Variants in LYPLAL1 observed in about 807,000 individuals in gnomAD.
LYPLAL1 encodes the protein lysophospholipase like 1.
A neutral mutation model predicts 19.7 loss-of-function variants in LYPLAL1; 23 were observed. That is an observed-to-expected ratio of 1.17 (90% confidence interval 0.84 to 1.65). The LOEUF (loss-of-function observed/expected upper bound fraction) is 1.65, where lower values mean the gene tolerates loss of function less well. Ranked by LOEUF, LYPLAL1 falls within the 40% of genes most tolerant of loss-of-function variation. LYPLAL1 has a pLI of 0.00. For synonymous variants in LYPLAL1, 119 were observed against 96.3 expected, an observed-to-expected ratio of 1.24 and a Z score of -1.38; for missense variants, 355 against 279.4, an observed-to-expected ratio of 1.27 and a Z score of -1.93.
At chr1:219,255,274 A>G in the LYPLAL1 span, among the ~76,000 whole-genome samples, 1 of 151,740 alleles carries the variant, frequency 6.6e-6, no homozygotes, top group African/African-American at 2.4e-5. Flanking sequence ...ATTTCTCTCA[A>G]TAATGTTTTT....
At chr1:219,327,833 C>T in the LYPLAL1 span, among the ~76,000 whole-genome samples, 1 of 152,148 alleles carries the variant, frequency 6.6e-6, no homozygotes, top group African/African-American at 2.4e-5. Flanking sequence ...TTGCCTGCCA[C>T]CATGTAAGAT....
the LYPLAL1 span, among the ~76,000 whole-genome samples, chr1:219,238,411 A>G: frequency 6.8e-6 from 1 of 146,418 alleles, no homozygotes; most frequent in Non-Finnish European, 1.5e-5. Context: ...TCGGCCTCCC[A>G]AAGTGCTGGG....
At chr1:219,425,342 G>T in the LYPLAL1 span, among the ~76,000 whole-genome samples, 1 of 152,190 alleles carries the variant, frequency 6.6e-6, no homozygotes, top group Non-Finnish European at 1.5e-5. Flanking sequence ...CCATGTTACA[G>T]ATGAGGCACA....
chr1:219,178,572 G>T (rs1656006052), intron 1 of LYPLAL1, among the ~76,000 whole-genome samples: 1 of 151,658 alleles, frequency 6.6e-6, no homozygotes, highest in Non-Finnish European at 1.5e-5. Flanking sequence ...TATTTATATG[G>T]CTTTTTATTA....
the LYPLAL1 span, among the ~76,000 whole-genome samples, chr1:219,247,736 A>G: frequency 6.6e-6 from 1 of 152,222 alleles, no homozygotes; most frequent in African/African-American, 2.4e-5. Flanking sequence ...TTATTCAAGA[A>G]TATGACATGA....
chr1:219,179,461 C>T, intron 2 of LYPLAL1: 1 of 472,852 alleles, frequency 2.1e-6, no homozygotes. Context: ...AAAGCATTCC[C>T]TAAAGCTCTG....
the LYPLAL1 span, among the ~76,000 whole-genome samples, chr1:219,320,268 T>A: frequency 6.6e-6 from 1 of 152,098 alleles, no homozygotes; most frequent in Non-Finnish European, 1.5e-5. Flanking sequence ...TCTTGGTTGC[T>A]ATCATTTTTC....
the LYPLAL1 span, among the ~76,000 whole-genome samples, chr1:219,289,783 A>T: frequency 6.6e-6 from 1 of 152,218 alleles, no homozygotes; most frequent in Non-Finnish European, 1.5e-5. Flanking sequence ...AAGAAACCAC[A>T]GTTCAGAAAA....
Position 219,205,511 on chromosome 1 carries a change from TTAAC to T in LYPLAL1, c.362-5019_362-5016del, listed in dbSNP as rs924663548. Among the ~76,000 whole-genome samples the T allele has an allele frequency of 4.2e-4, 64 of 152,304 alleles. 1 individual carries two copies. Among genetic ancestry groups the T allele is most frequent in the African/African-American group, 1.5e-3 (64 of 41,566 alleles). Reference sequence around the variant, plus strand: ...GATACATTGAACATGTAGAGTTAGTTTAACTGTAAAAATGAAATTTAAGAGAACA... The same window carrying T: ...GATACATTGAACATGTAGAGTTAGTTTGTAAAAATGAAATTTAAGAGAACA... On this transcript the variant is annotated intron_variant, in intron 3 of 4. Transcript: ENST00000366928.
the LYPLAL1 span, among the ~76,000 whole-genome samples, chr1:219,287,510 C>T: frequency 3.9e-5 from 6 of 152,262 alleles, no homozygotes; most frequent in South Asian, 1.2e-3. Flanking sequence ...AGCCTACACA[C>T]CTATTAGACA....
the LYPLAL1 span, among the ~76,000 whole-genome samples, chr1:219,232,954 C>T: frequency 3.2e-4 from 49 of 151,492 alleles, no homozygotes; most frequent in African/African-American, 1.2e-3. Context: ...TAAAATAATG[C>T]TGCCACCATG....
the LYPLAL1 span, among the ~76,000 whole-genome samples, chr1:219,438,275 C>T: frequency 2.0e-5 from 3 of 152,184 alleles, no homozygotes; most frequent in Admixed American, 6.5e-5. Context: ...AGAGGGAGCC[C>T]ATGCCTAGAG....
intron 1 of LYPLAL1, among the ~76,000 whole-genome samples, chr1:219,178,381 C>T (rs1655989298): frequency 6.6e-6 from 1 of 152,158 alleles, no homozygotes; most frequent in Non-Finnish European, 1.5e-5. Flanking sequence ...ATCATTGCCT[C>T]TCTAGCAGTG....
chr1:219,225,476 C>G, the LYPLAL1 span: 1 of 152,182 alleles, frequency 6.6e-6, no homozygotes, highest in Non-Finnish European at 1.5e-5. Flanking sequence ...CATCCCCCCT[C>G]TCATCTTCTC....
At chr1:219,431,057 A>C in the LYPLAL1 span, among the ~76,000 whole-genome samples, 2 of 152,164 alleles carry the variant, frequency 1.3e-5, no homozygotes, top group East Asian at 3.9e-4. Context: ...AAAGACACTA[A>C]ACATGCCTTA....
chr1:219,388,032 T>G, the LYPLAL1 span, among the ~76,000 whole-genome samples: 8 of 152,184 alleles, frequency 5.3e-5, no homozygotes, highest in African/African-American at 1.2e-4. Flanking sequence ...TCAGGTGGTG[T>G]TATTATTATG....
chr1:219,176,386 G>C (rs1655812430), intron 1 of LYPLAL1, among the ~76,000 whole-genome samples: 1 of 152,156 alleles, frequency 6.6e-6, no homozygotes, highest in Admixed American at 6.5e-5. Context: ...CATGTGTCTT[G>C]TTTATGGCTT....
intron 2 of LYPLAL1, among the ~76,000 whole-genome samples, chr1:219,186,483 T>G (rs1656731104): frequency 6.6e-6 from 1 of 151,872 alleles, no homozygotes; most frequent in Admixed American, 6.6e-5. Flanking sequence ...TTTCTCTTTA[T>G]GTATTTTTAG....
the LYPLAL1 span, among the ~76,000 whole-genome samples, chr1:219,292,593 C>T: frequency 1.3e-5 from 2 of 152,160 alleles, no homozygotes; most frequent in Non-Finnish European, 2.9e-5. Context: ...CTCATTTCCC[C>T]AGCACAGCTG....
Sources: gnomAD v4.1 joint callset for allele counts (sites outside exome capture counted in the v4.1 genomes callset) on GRCh38, gnomAD v4.1.1 for gene constraint, MANE v1.5 for transcripts, NCBI Gene and HGNC (gene_info 2026-07-23, HGNC 2026-07-21) for gene names.